Variants in TAF9B observed in about 807,000 individuals in gnomAD.
The protein encoded by TAF9B is transcription initiation factor TFIID subunit 9B.
Under a neutral mutation model 17.6 loss-of-function variants are expected in TAF9B, and 47 were observed. That is an observed-to-expected ratio of 2.68 (90% CI 2.12 to 3.41). The LOEUF (loss-of-function observed/expected upper bound fraction) is 3.41. Among genes scored for constraint, TAF9B ranks in the 30% most tolerant of loss-of-function variants. TAF9B has a pLI of 0.00. For missense variants in TAF9B, 218 were observed against 189.3 expected (o/e 1.15, Z -0.89); for synonymous variants, 84 against 68.7 (o/e 1.22, Z -1.10).
Position 78,130,730 on chromosome X carries a change from A to G in TAF9B, c.*880T>C, listed in dbSNP as rs1256226240. 1.8e-5 allele frequency: 2 copies of G among 112,722 alleles called. No individual in the cohort carries two copies. The highest frequency in any genetic ancestry group is 3.8e-5 in the Non-Finnish European group (2 of 53,329). The allele number at this position is 112,722 out of a possible 1,213,427, so 9.3% of individuals were successfully genotyped here. ...TAAATTTAGAAATGTGAAACATGGA[A>G]GAGTTATCAACTTGGAATACAATAC... On this transcript the variant is annotated 3_prime_UTR_variant, in exon 7 of 7. Transcript: ENST00000341864.
At position 78,137,735 on chromosome X, in the gene TAF9B, CTA is replaced by C; in HGVS notation, c.405+12_405+13del. 1.7e-6 allele frequency: 2 copies of C among 1,176,693 alleles called. No individual in the cohort carries two copies. Among genetic ancestry groups the C allele is most frequent in the Non-Finnish European group, 1.1e-6 (1 of 884,330 alleles). On this transcript the variant is annotated intron_variant, in intron 4 of 6. Transcript: ENST00000341864. ...CACCTTTTAAAAAAAGAAAAGTTGA[CTA>C]AAATTTCTTACCTTTTTAATTAAGG... is the stretch of plus-strand genomic sequence containing the variant.
intron 6 of TAF9B, among the ~76,000 whole-genome samples, chrX:78,132,610 CTGTGTGTGTGTGTGTGTG>C (rs201863850): frequency 7.3e-5 from 7 of 96,259 alleles, no homozygotes; most frequent in East Asian, 3.4e-4. Context: ...TTATTCCAAT[CTGTGTGTGTGTGTGTGTG>C]TGTGTGTGTG....
At chrX:78,137,252 A>G (rs1424991909) in intron 4 of TAF9B, among the ~76,000 whole-genome samples, 2 of 112,438 alleles carry the variant, frequency 1.8e-5, no homozygotes, top group Non-Finnish European at 3.8e-5. Flanking sequence ...CCCCATTCAA[A>G]TAAGACTGTA....
At chrX:78,134,897 G>A (rs782431743) in intron 5 of TAF9B, among the ~76,000 whole-genome samples, 15 of 110,780 alleles carry the variant, frequency 1.4e-4, no homozygotes, top group Non-Finnish European at 2.5e-4. Context: ...TGTAGATGGA[G>A]CTTCCCCCAA....
At chrX:78,138,732 G>A in intron 2 of TAF9B, 111 bp downstream of exon 2, 1 of 635,123 alleles carries the variant, frequency 1.6e-6, no homozygotes, top group Non-Finnish European at 2.5e-6. Flanking sequence ...TCTAGCCTGG[G>A]CAACAGCGAG....
At chrX:78,131,892 T>C in intron 6 of TAF9B, 119 bp from the exon 7 acceptor site, 1 of 614,448 alleles carries the variant, frequency 1.6e-6, no homozygotes, top group South Asian at 3.7e-5. Flanking sequence ...TTCAATAGCA[T>C]GAAGTGCAAC....
At chrX:78,138,395 T>TCC (rs782075655) in intron 2 of TAF9B, among the ~76,000 whole-genome samples, 25 of 112,812 alleles carry the variant, frequency 2.2e-4, no homozygotes, top group African/African-American at 8.0e-4. Context: ...AATACTACTG[T>TCC]CCCCTAGCTT....
chrX:78,138,915 G>C lies in TAF9B; in HGVS notation c.61C>G (p.Gln21Glu), dbSNP rs985009458. Residue 21 changes from glutamine to glutamate, a missense_variant, in exon 2 of 7, where the codon CAG becomes GAG. Transcript: ENST00000341864. The stretch of plus-strand genomic sequence containing the variant: ...GTGATTCCCATATCCTTCAGGATCT[G>C]TGCCATCACCTGTGGATTCAAATAA... ...NAPRDALVMA[Q>E]ILKDMGITEY... 8.4e-7 allele frequency: 1 copy of C among 1,196,974 alleles called. No individual in the cohort carries two copies. The highest frequency in any genetic ancestry group is 1.8e-5 in the African/African-American group (1 of 56,845).
chrX:78,134,604 G>A (rs1451033881), intron 5 of TAF9B, among the ~76,000 whole-genome samples: 2 of 111,157 alleles, frequency 1.8e-5, no homozygotes, highest in Non-Finnish European at 3.8e-5. Flanking sequence ...GAAAGTCTAA[G>A]GGAATAAAGC....
intron 2 of TAF9B, among the ~76,000 whole-genome samples, chrX:78,138,618 C>T (rs782435528): frequency 5.4e-5 from 6 of 112,066 alleles, no homozygotes; most frequent in Non-Finnish European, 1.1e-4. Context: ...CTTAGCCGGG[C>T]GTGGTGGCAA....
chrX:78,133,295 C>T, intron 6 of TAF9B, 43 bp downstream of exon 6: 2 of 1,076,128 alleles, frequency 1.9e-6, no homozygotes, highest in Non-Finnish European at 1.3e-6. Context: ...CCTACAATTT[C>T]AAATTATTCA....
intron 6 of TAF9B, among the ~76,000 whole-genome samples, chrX:78,132,805 C>T (rs1176020511): frequency 9.0e-6 from 1 of 110,968 alleles, no homozygotes; most frequent in African/African-American, 3.3e-5. Flanking sequence ...AACTGTTTAG[C>T]TGACGGTGTT....
rs1485494985 is a variant in TAF9B, at chrX:78,131,313, T to G, written c.*297A>C. 2 of 171,570 alleles carry G rather than the reference T, an allele frequency of 1.2e-5. No homozygotes were observed. The highest frequency in any genetic ancestry group is 6.0e-5 in the African/African-American group (2 of 33,158). The allele number at this position is 171,570 out of a possible 1,213,427, so 14.1% of individuals were successfully genotyped here. On this transcript the variant is annotated 3_prime_UTR_variant, in exon 7 of 7. Coordinates refer to ENST00000341864, the MANE Select transcript of TAF9B (RefSeq NM_015975.5). Reference sequence around the variant, plus strand: ...TGACTAGGCTGTAGAATCTGAAACTTAAATGCTACTATCAGTGATAGAAGG... The same window carrying G: ...TGACTAGGCTGTAGAATCTGAAACTGAAATGCTACTATCAGTGATAGAAGG...
At position 78,130,447 on chromosome X, in the gene TAF9B, TACATC is replaced by T. The variant is rs1360664679; in HGVS notation, c.*1158_*1162del. On this transcript the variant is annotated 3_prime_UTR_variant, in exon 7 of 7. Transcript: ENST00000341864. ...ATGCAGAGTGCACATAAATGCAAGT[TACATC>T]ACATTAATTTGTTTTCTTTGTTGGC... The T allele has an allele frequency of 4.4e-5, 5 of 112,435 alleles. No individual in the cohort carries two copies. The highest frequency in any genetic ancestry group is 9.4e-5 in the Admixed American group (1 of 10,587). 9.3% of individuals were successfully genotyped at this position (112,435 alleles called of 1,213,427 possible). A position where few individuals can be genotyped will look rare whatever the true frequency, so the allele number is the denominator to read the frequency against.
At position 78,131,197 on chromosome X, in the gene TAF9B, T is replaced by TAAAAAAAAA. The variant is rs782507510; in HGVS notation, c.*412_*413insTTTTTTTTT. The stretch of plus-strand genomic sequence containing the variant: ...AGAGATTTGGTAAAAAAAAAAAAAT[T>TAAAAAAAAA]AGCTAGTGACAGTAAGTAACTATAT... On this transcript the variant is annotated 3_prime_UTR_variant, in exon 7 of 7. Transcript: ENST00000341864. 9.3e-6 allele frequency: 1 copy of TAAAAAAAAA among 107,542 alleles called. No homozygotes were observed. The highest frequency in any genetic ancestry group is 1.9e-5 in the Non-Finnish European group (1 of 52,525). 8.9% of individuals were successfully genotyped at this position (107,542 alleles called of 1,213,427 possible).
rs1225900305 is a variant in TAF9B at position 78,131,317 on chromosome X, T to C, written c.*293A>G. The C allele has an allele frequency of 1.1e-5, 2 of 177,976 alleles. No individual in the cohort carries two copies. The highest frequency in any genetic ancestry group is 2.1e-5 in the Non-Finnish European group (2 of 95,730). 14.7% of individuals were successfully genotyped at this position (177,976 alleles called of 1,213,427 possible). A position where few individuals can be genotyped will look rare whatever the true frequency, so the allele number is the denominator to read the frequency against. On this transcript the variant is annotated 3_prime_UTR_variant, in exon 7 of 7. Coordinates refer to ENST00000341864, the MANE Select transcript of TAF9B (RefSeq NM_015975.5). Reference sequence around the variant, plus strand: ...TAGGCTGTAGAATCTGAAACTTAAATGCTACTATCAGTGATAGAAGGCAGA... The same window carrying C: ...TAGGCTGTAGAATCTGAAACTTAAACGCTACTATCAGTGATAGAAGGCAGA...
intron 6 of TAF9B, among the ~76,000 whole-genome samples, chrX:78,132,610 C>CG (rs1364345996): frequency 2.1e-5 from 2 of 96,262 alleles, no homozygotes; most frequent in Non-Finnish European, 4.2e-5. Flanking sequence ...TTATTCCAAT[C>CG]TGTGTGTGTG....
intron 2 of TAF9B, 61 bp downstream of exon 2, chrX:78,138,782 C>G: frequency 2.2e-6 from 2 of 889,175 alleles, no homozygotes; most frequent in Non-Finnish European, 3.3e-6. Context: ...AATGTTCTTA[C>G]AATAAAAATA....
chrX:78,138,769 G>T (rs2078444405), intron 2 of TAF9B, 74 bp downstream of exon 2: 3 of 868,232 alleles, frequency 3.5e-6, no homozygotes, highest in African/African-American at 2.0e-5. Context: ...GAAAATAAAA[G>T]AAAATGTTCT....
Sources: gnomAD v4.1 joint callset for allele counts (sites outside exome capture counted in the v4.1 genomes callset) on GRCh38, gnomAD v4.1.1 for gene constraint, MANE v1.5 for transcripts, NCBI Gene and HGNC (gene_info 2026-07-23, HGNC 2026-07-21) for gene names.